Variants in GGT5 observed in about 807,000 individuals in gnomAD.
GGT5 encodes gamma-glutamyltransferase 5, also known as glutathione hydrolase 5 proenzyme.
Under a neutral mutation model 58.1 loss-of-function variants are expected in GGT5, and 50 were observed. That is an observed-to-expected ratio of 0.86 (90% CI 0.69 to 1.09). The LOEUF (loss-of-function observed/expected upper bound fraction) is 1.09, where lower values mean the gene tolerates loss of function less well. Among genes scored for constraint, GGT5 ranks in the 50% least tolerant of loss-of-function variants. The probability of loss-of-function intolerance (pLI) is 0.00; values close to 1 mark genes in which losing one functional copy is unlikely to be tolerated. For missense variants in GGT5, 800 were observed against 789.4 expected (o/e 1.01, Z -0.16); for synonymous variants, 370 against 346.1 (o/e 1.07, Z -0.77).
chr22:24,220,175 G>C, intron 11 of GGT5, 59 bp from the exon 12 acceptor site: 2 of 1,529,622 alleles, frequency 1.3e-6, no homozygotes, highest in East Asian at 4.5e-5. Context: ...CTCCAGGAGG[G>C]AGAGGCCTCT....
rs1238101591 is a variant in GGT5 at position 24,226,765 on chromosome 22, A to G, written c.904T>C (p.Phe302Leu). The G allele has an allele frequency of 1.9e-6, 3 of 1,613,714 alleles. No individual in the cohort carries two copies. Among genetic ancestry groups the G allele is most frequent in the East Asian group, 2.2e-5 (1 of 44,868 alleles). ...GCCATAGACTCTGTTGAGAAGTTGA[A>G]CCCTGGAGAGAGGTTGGGGCACAGG... ...LSFILNVLRGFNFSTESMARP... is the reference protein window; with the variant it reads ...LSFILNVLRGLNFSTESMARP... Residue 302 changes from phenylalanine to leucine, a missense_variant and splice_region_variant, in exon 7 of 12, where the codon TTC becomes CTC. Phe to Leu is a conservative substitution (Grantham distance 22). Coordinates refer to ENST00000327365, the MANE Select transcript of GGT5 (RefSeq NM_004121.5).
chr22:24,239,184 A>C (rs1397670622), intron 1 of GGT5, among the ~76,000 whole-genome samples: 1 of 148,040 alleles, frequency 6.8e-6, no homozygotes, highest in Non-Finnish European at 1.5e-5. Context: ...TAAAAAATAC[A>C]AAAAATTAGC....
At chr22:24,241,521 A>T (rs2048327555) in intron 1 of GGT5, 1 of 152,206 alleles carries the variant, frequency 6.6e-6, no homozygotes, top group East Asian at 1.9e-4. Context: ...GAGGTGGCCC[A>T]CCCATATTAT....
intron 11 of GGT5, among the ~76,000 whole-genome samples, chr22:24,222,074 G>C (rs1216904993): frequency 6.6e-6 from 1 of 152,058 alleles, no homozygotes; most frequent in Non-Finnish European, 1.5e-5. Flanking sequence ...AGCTACTTGG[G>C]AGGCTGAGAC....
chr22:24,240,797 T>G (rs2048306421), intron 1 of GGT5, among the ~76,000 whole-genome samples: 1 of 152,174 alleles, frequency 6.6e-6, no homozygotes, highest in Non-Finnish European at 1.5e-5. Context: ...AGCATAACTA[T>G]TTTTAATGAA....
chr22:24,226,332 G>A, intron 7 of GGT5, 66 bp from the exon 8 acceptor site: 4 of 1,323,574 alleles, frequency 3.0e-6, no homozygotes, highest in Non-Finnish European at 4.2e-6. Flanking sequence ...ACCAAGGGCA[G>A]GATGAGATCA....
chr22:24,220,767 C>T (rs1416359428), intron 11 of GGT5: 3 of 440,850 alleles, frequency 6.8e-6, no homozygotes, highest in Middle Eastern at 6.9e-4. Flanking sequence ...CGTGGTGGCT[C>T]ACACCTGTAA....
At chr22:24,244,438 A>G (rs2048415440) in intron 1 of GGT5, 115 bp downstream of exon 1, 3 of 872,424 alleles carry the variant, frequency 3.4e-6, no homozygotes, top group Non-Finnish European at 1.9e-6. Flanking sequence ...ACATACCCAG[A>G]CACTCACACA....
At position 24,228,069 on chromosome 22, in the gene GGT5, AAAC is replaced by A. The variant is rs1351842805; in HGVS notation, c.902-1305_902-1303del. Among the ~76,000 whole-genome samples the A allele has an allele frequency of 7.7e-4, 69 of 89,564 alleles. 6 individuals carry two copies. The highest frequency in any genetic ancestry group is 8.2e-4 in the African/African-American group (18 of 22,084). The allele number at this position is 89,564 out of a possible 152,430, so 58.8% of individuals were successfully genotyped here. ...GTCTCAAAAAAAAAAAAAAAAAACA[AAAC>A]AAAAAAAAAAAAACTCTGAAAAATA... On this transcript the variant is annotated intron_variant, in intron 6 of 11. Coordinates refer to ENST00000327365, the MANE Select transcript of GGT5 (RefSeq NM_004121.5).
At chr22:24,221,677 A>C (rs2047593897) in intron 11 of GGT5, among the ~76,000 whole-genome samples, 2 of 152,082 alleles carry the variant, frequency 1.3e-5, no homozygotes, top group Non-Finnish European at 2.9e-5. Context: ...TTGCCCAGCT[A>C]ATTTTTGTAA....
chr22:24,238,897 AT>A lies in GGT5; in HGVS notation c.174-4894del, dbSNP rs1241766381. Among the ~76,000 whole-genome samples, 119 of 12,482 alleles carry A rather than the reference AT, an allele frequency of 9.5e-3. 8 individuals carry two copies. Among genetic ancestry groups the A allele is most frequent in the Admixed American group, 0.012 (7 of 592 alleles). The allele number at this position is 12,482 out of a possible 152,430, so 8.2% of individuals were successfully genotyped here. Reference sequence around the variant, plus strand: ...ATAATATATATTATATATTTTATATATATATATATTATATATATTATATATA... The same window carrying A: ...ATAATATATATTATATATTTTATATAATATATATTATATATATTATATATA... On this transcript the variant is annotated intron_variant, in intron 1 of 11. Transcript: ENST00000327365.
chr22:24,223,393 T>C (rs781240849), intron 11 of GGT5, among the ~76,000 whole-genome samples: 4 of 151,950 alleles, frequency 2.6e-5, no homozygotes, highest in Non-Finnish European at 5.9e-5. Flanking sequence ...AGAGTGAGAC[T>C]GTCTAAAAAA....
At chr22:24,231,932 T>G in intron 5 of GGT5, 119 bp downstream of exon 5, 1 of 819,770 alleles carries the variant, frequency 1.2e-6, no homozygotes. Context: ...CCTCTCGGGG[T>G]CCCGGGCACT....
chr22:24,219,986 TC>T lies in GGT5; in HGVS notation c.1744del (p.Glu582ArgfsTer46), dbSNP rs766787258. 3 of 1,614,000 alleles carry T rather than the reference TC, an allele frequency of 1.9e-6. No homozygotes were observed. The Admixed American group carries it at 5.0e-5, about 27-fold the overall frequency. On this transcript the variant is annotated frameshift_variant, in exon 12 of 12. Transcript: ENST00000327365. LOFTEE classifies it high-confidence loss of function. Reference protein sequence around the residue: ...YAVSDLRKSGEAAGY With the variant: ...YAVSDLRKSGXAAGY ...AGCAGTGTCTTAGTAGCCTGCGGCC[TC>T]CCCACTCTTCCTCAGGTCCGAGACG...
intron 1 of GGT5, among the ~76,000 whole-genome samples, chr22:24,238,762 T>C (rs1457094686): frequency 2.4e-3 from 80 of 33,178 alleles, no homozygotes; most frequent in Non-Finnish European, 3.2e-3. Context: ...ATATATGGAA[T>C]ATATATATAT....
Position 24,244,847 on chromosome 22 carries a change from T to TG in GGT5, c.-123dup, listed in dbSNP as rs1409567015. 1 of 1,446,096 alleles carries TG rather than the reference T, an allele frequency of 6.9e-7. No individual in the cohort carries two copies. Among genetic ancestry groups the TG allele is most frequent in the African/African-American group, 1.4e-5 (1 of 70,262 alleles). The allele number at this position is 1,446,096 out of a possible 1,614,324, so 89.6% of individuals were successfully genotyped here. The stretch of plus-strand genomic sequence containing the variant: ...GTAATTGGACAGATGGACAAACAGG[T>TG]GGGGGCTGAAGACAGACACGAAGAT... On this transcript the variant is annotated 5_prime_UTR_variant, in exon 1 of 12. Coordinates refer to ENST00000327365, the MANE Select transcript of GGT5 (RefSeq NM_004121.5).
At chr22:24,237,614 G>A (rs148492066) in intron 1 of GGT5, among the ~76,000 whole-genome samples, 3,691 of 151,928 alleles carry the variant, frequency 0.024, 83 homozygotes, top group African/African-American at 0.051. Flanking sequence ...TCACTGTGTT[G>A]GCCAGGCTGG....
At chr22:24,238,952 AT>A (rs1225776253) in intron 1 of GGT5, among the ~76,000 whole-genome samples, 555 of 37,848 alleles carry the variant, frequency 0.015, 50 homozygotes, top group African/African-American at 0.025. Flanking sequence ...ATATATATAT[AT>A]ATATAATATA....
In GGT5 at chr22:24,225,253, C is replaced by T; in HGVS notation, c.1495G>A (p.Val499Met). The T allele has an allele frequency of 6.2e-7, 1 of 1,613,486 alleles. No individual in the cohort carries two copies. The change falls in exon 10 of 12, where the codon GTG becomes ATG. Residue 499 changes from valine to methionine, a missense_variant. Coordinates refer to ENST00000327365, the MANE Select transcript of GGT5 (RefSeq NM_004121.5). ...GAGGELIISA[V>M]AQAIMSKLWL... Reference sequence around the variant, plus strand: ...AGGAGCCCCAGACTCACCTGGGCCACAGCAGAGATGATGAGCTCCCCGCCA... The same window carrying T: ...AGGAGCCCCAGACTCACCTGGGCCATAGCAGAGATGATGAGCTCCCCGCCA...
Sources: allele counts gnomAD v4.1 joint callset (sites outside exome capture counted in the v4.1 genomes callset), GRCh38; gene constraint gnomAD v4.1.1; transcripts MANE v1.5; gene names NCBI Gene and HGNC (gene_info 2026-07-23, HGNC 2026-07-21).